Variants in KDM4C observed in about 807,000 individuals in gnomAD.
KDM4C encodes the protein lysine demethylase 4C, also known as lysine-specific demethylase 4C.
In KDM4C, 81 loss-of-function variants were observed where a neutral mutation model predicts 129.3. The ratio of observed to expected loss-of-function variants is 0.63; its 90% CI spans 0.52 to 0.75. KDM4C has a LOEUF of 0.75. Ranked by LOEUF, KDM4C falls within the 30% of genes least tolerant of loss-of-function variation. The probability of loss-of-function intolerance (pLI) is 0.00; values close to 1 mark genes in which losing one functional copy is unlikely to be tolerated. For missense variants in KDM4C, 1,457 were observed against 1,304.0 expected, an observed-to-expected ratio of 1.12 and a Z score of -1.81; for synonymous variants, 573 against 456.1, an observed-to-expected ratio of 1.26 and a Z score of -3.26.
chr9:7,116,136 T>G (rs900711848), intron 18 of KDM4C, among the ~76,000 whole-genome samples: 6 of 152,144 alleles, frequency 3.9e-5, no homozygotes, highest in Non-Finnish European at 8.8e-5. Flanking sequence ...CTCGGACGCT[T>G]TTGCTTGGAG....
intron 18 of KDM4C, among the ~76,000 whole-genome samples, chr9:7,115,287 C>A (rs1303407416): frequency 1.3e-5 from 2 of 152,002 alleles, no homozygotes; most frequent in Admixed American, 6.6e-5. Context: ...TAATATTTCT[C>A]CGTTCCCAGG....
chr9:7,133,775 G>T (rs1840896574), intron 19 of KDM4C, among the ~76,000 whole-genome samples: 1 of 152,196 alleles, frequency 6.6e-6, no homozygotes, highest in Non-Finnish European at 1.5e-5. Flanking sequence ...AAGCATAGGT[G>T]TAGGAGAGAT....
intron 15 of KDM4C, among the ~76,000 whole-genome samples, chr9:7,040,369 C>CTGTGTGTGTG (rs527776913): frequency 9.0e-5 from 9 of 100,310 alleles, no homozygotes; most frequent in African/African-American, 2.3e-4. Flanking sequence ...CTACCCCACT[C>CTGTGTGTGTG]TGTGTGTGTG....
At chr9:6,728,762 C>T (rs1422273551) in intron 1 of KDM4C, among the ~76,000 whole-genome samples, 2 of 151,724 alleles carry the variant, frequency 1.3e-5, no homozygotes, top group Non-Finnish European at 2.9e-5. Flanking sequence ...AGGAGAATCG[C>T]CTGAACCCGG....
intron 8 of KDM4C, among the ~76,000 whole-genome samples, chr9:6,962,844 A>G (rs547017441): frequency 1.3e-5 from 2 of 152,238 alleles, no homozygotes; most frequent in African/African-American, 4.8e-5. Flanking sequence ...AAAGAAATCA[A>G]CATCAAGAAT....
intron 17 of KDM4C, among the ~76,000 whole-genome samples, chr9:7,078,237 T>A (rs1291024676): frequency 6.6e-6 from 1 of 152,180 alleles, no homozygotes; most frequent in Non-Finnish European, 1.5e-5. Flanking sequence ...TGTAGGAACT[T>A]TTTTATAGCT....
chr9:6,839,744 A>C (rs576143910), intron 4 of KDM4C, among the ~76,000 whole-genome samples: 1 of 152,012 alleles, frequency 6.6e-6, no homozygotes, highest in East Asian at 2.0e-4. Flanking sequence ...CTACTAAAAC[A>C]AATAAAAATT....
intron 18 of KDM4C, among the ~76,000 whole-genome samples, chr9:7,117,293 T>C (rs1839006998): frequency 6.6e-6 from 1 of 152,186 alleles, no homozygotes; most frequent in South Asian, 2.1e-4. Context: ...TAGTCTGTTT[T>C]GCTTTGGGTT....
chr9:6,957,575 T>TCAC (rs1335896688), intron 8 of KDM4C, among the ~76,000 whole-genome samples: 4 of 152,022 alleles, frequency 2.6e-5, no homozygotes, highest in Admixed American at 2.0e-4. Context: ...TACTGGTAGG[T>TCAC]CACCACCACC....
chr9:6,906,650 C>T (rs1224947093), intron 8 of KDM4C, among the ~76,000 whole-genome samples: 5 of 152,064 alleles, frequency 3.3e-5, no homozygotes, highest in Admixed American at 1.3e-4. Flanking sequence ...CTTTTTTGCC[C>T]GGGCTGGTCT....
At chr9:6,789,775 G>A (rs1826182143) in intron 1 of KDM4C, among the ~76,000 whole-genome samples, 1 of 152,078 alleles carries the variant, frequency 6.6e-6, no homozygotes, top group Non-Finnish European at 1.5e-5. Flanking sequence ...AACAGAGGCA[G>A]GTAGGAATGT....
chr9:7,149,937 C>T (rs1842576123), intron 19 of KDM4C, among the ~76,000 whole-genome samples: 1 of 152,148 alleles, frequency 6.6e-6, no homozygotes, highest in African/African-American at 2.4e-5. Flanking sequence ...ATATTTGGAG[C>T]TTTCAGGAGT....
intron 17 of KDM4C, among the ~76,000 whole-genome samples, chr9:7,094,630 A>T (rs140281159): frequency 9.9e-5 from 15 of 152,282 alleles, no homozygotes; most frequent in Non-Finnish European, 1.5e-4. Flanking sequence ...CATGCGGAGG[A>T]ACCCTATACT....
At chr9:7,171,423 T>C (rs1844948901) in intron 21 of KDM4C, among the ~76,000 whole-genome samples, 2 of 152,196 alleles carry the variant, frequency 1.3e-5, no homozygotes, top group Admixed American at 1.3e-4. Flanking sequence ...AGAGATAGCT[T>C]CGTCTCGTTC....
At chr9:7,021,306 G>T (rs541372199) in intron 15 of KDM4C, among the ~76,000 whole-genome samples, 1 of 151,684 alleles carries the variant, frequency 6.6e-6, no homozygotes, top group East Asian at 1.9e-4. Context: ...CACCATGCCC[G>T]GCTAATTTTT....
chr9:6,909,192 T>C (rs1392461148), intron 8 of KDM4C, among the ~76,000 whole-genome samples: 1 of 152,232 alleles, frequency 6.6e-6, no homozygotes, highest in Non-Finnish European at 1.5e-5. Context: ...TACATATGGA[T>C]AGGCAGAGAG....
At chr9:6,805,845 A>AC in intron 3 of KDM4C, 71 bp downstream of exon 3, 1 of 1,371,578 alleles carries the variant, frequency 7.3e-7, no homozygotes, top group Non-Finnish European at 9.9e-7. Context: ...AACAAAGTAG[A>AC]CAGAGGAGCT....
intron 19 of KDM4C, among the ~76,000 whole-genome samples, chr9:7,139,395 C>T (rs1296188591): frequency 6.6e-6 from 1 of 152,164 alleles, no homozygotes; most frequent in African/African-American, 2.4e-5. Flanking sequence ...TTGATTTACA[C>T]CATAAAAGAA....
intron 8 of KDM4C, among the ~76,000 whole-genome samples, chr9:6,935,036 A>C (rs11789124): frequency 0.26 from 38,886 of 151,944 alleles, 5,426 homozygotes; most frequent in South Asian, 0.4. Flanking sequence ...CAACGGCTAA[A>C]CTGGTTTTGG....
Sources: allele counts gnomAD v4.1 joint callset (sites outside exome capture counted in the v4.1 genomes callset), GRCh38; gene constraint gnomAD v4.1.1; transcripts MANE v1.5; gene names NCBI Gene and HGNC (gene_info 2026-07-23, HGNC 2026-07-21).